FLG: variants seen among roughly 807,000 people sequenced by gnomAD.
FLG encodes the protein epidermal filaggrin.
In FLG, 6 loss-of-function variants were observed where a neutral mutation model predicts 3.8. The ratio of observed to expected loss-of-function variants is 1.60; its 90% CI spans 0.87 to 3.15. The LOEUF is 3.15. Ranked by LOEUF, FLG falls within the 30% of genes most tolerant of loss-of-function variation. The probability of loss-of-function intolerance (pLI) is 0.00; values close to 1 mark genes in which losing one functional copy is unlikely to be tolerated. For synonymous variants in FLG, 2,551 were observed against 1,931.6 expected (o/e 1.32, Z -8.41); for missense variants, 7,595 against 5,050.9 (o/e 1.50, Z -15.27).
rs766890885 is a variant in FLG at position 152,312,616 on chromosome 1, G to T, written c.2270C>A (p.Ser757Ter). 6.2e-7 allele frequency: 1 copy of T among 1,613,790 alleles called. No individual in the cohort carries two copies. The highest frequency in any genetic ancestry group is 8.5e-7 in the Non-Finnish European group (1 of 1,179,972). The change falls in exon 3 of 3, where the codon TCA becomes TAA. Residue 757 changes from serine to a stop codon, truncating the protein, a stop_gained. Coordinates refer to ENST00000368799, the MANE Select transcript of FLG (RefSeq NM_002016.2). LOFTEE classifies it low-confidence loss of function (END_TRUNC). ...ATDSEGHSED[S>*]DTQSVSGHGQ... is the part of the protein sequence containing the mutation. ...ATGGCCTGACACTGACTGTGTGTCT[G>T]AGTCTTCTGAATGTCCCTCACTGTC...
rs754940881 is a variant in FLG at position 152,308,880 on chromosome 1, T to C, written c.6006A>G (p.Gly2002=). Residue 2002 remains glycine, a synonymous_variant, in exon 3 of 3, where the codon GGA becomes GGG. Coordinates refer to ENST00000368799, the MANE Select transcript of FLG (RefSeq NM_002016.2). ...GCTGGTGGTGGGATCCATGTCTTTC[T>C]CCTGCACTTGATCTTGCCTGTTCAT... is the stretch of plus-strand genomic sequence containing the variant. ...SSHEQARSSA[G]ERHGSHHQLQ... The C allele has an allele frequency of 8.1e-6, 13 of 1,614,060 alleles. No homozygotes were observed. In the East Asian group the frequency reaches 2.2e-4, roughly 28 times the overall value.
At chr1:152,317,914 A>C (rs1344264408) in intron 1 of FLG, among the ~76,000 whole-genome samples, 1 of 151,976 alleles carries the variant, frequency 6.6e-6, no homozygotes, top group Non-Finnish European at 1.5e-5. Context: ...CAAGTCGTAA[A>C]CCTGAAAATT....
Position 152,303,984 on chromosome 1 carries a change from T to A in FLG, c.10902A>T (p.Ala3634=), listed in dbSNP as rs199584482. 1.2e-6 allele frequency: 2 copies of A among 1,614,022 alleles called. No individual in the cohort carries two copies. Among genetic ancestry groups the A allele is most frequent in the Non-Finnish European group, 1.7e-6 (2 of 1,180,022 alleles). The change falls in exon 3 of 3, where the codon GCA becomes GCT. Residue 3634 remains alanine, a synonymous_variant. Transcript: ENST00000368799. ...ERHGSHHQQS[A]DSSRHSGIGH... ...CAATGCCTGAGTGTCTGGAGCTGTCTGCTGACTGCTGGTGGTGGGATCCAT... is the reference window on the plus strand; with the variant it reads ...CAATGCCTGAGTGTCTGGAGCTGTCAGCTGACTGCTGGTGGTGGGATCCAT...
rs764506982 is a variant in FLG at position 152,314,241 on chromosome 1, A to G, written c.645T>C (p.Tyr215=). 6.2e-7 allele frequency: 1 copy of G among 1,613,434 alleles called. No homozygotes were observed. Among genetic ancestry groups the G allele is most frequent in the Non-Finnish European group, 8.5e-7 (1 of 1,179,762 alleles). Residue 215 remains tyrosine (Y), a synonymous_variant, in exon 3 of 3, where the codon TAT becomes TAC. Coordinates refer to ENST00000368799, the MANE Select transcript of FLG (RefSeq NM_002016.2). ...EEKEDNEEGV[Y]DYENTGRMTQ... is the part of the protein sequence containing the mutation. ...TCATTCTTCCTGTATTTTCATAATC[A>G]TATACTCCTTCTTCATTGTCTTCTT...
chr1:152,310,225 G>T lies in FLG; in HGVS notation c.4661C>A (p.Ser1554Tyr). Residue 1554 changes from serine (S) to tyrosine (Y), a missense_variant, in exon 3 of 3, where the codon TCC becomes TAC. By Grantham distance (144) the Ser-to-Tyr change is moderately radical. Coordinates refer to ENST00000368799, the MANE Select transcript of FLG (RefSeq NM_002016.2). ...TRNEEQSGDG[S>Y]RHSGSRHHEP... ...ATGGTGACGTGACCCTGAGTGCCTGGAGCCGTCTCCTGATTGTTCCTCATT... is the reference window on the plus strand; with the variant it reads ...ATGGTGACGTGACCCTGAGTGCCTGTAGCCGTCTCCTGATTGTTCCTCATT... The T allele has an allele frequency of 1.9e-6, 3 of 1,613,818 alleles. No individual in the cohort carries two copies. Among genetic ancestry groups the T allele is most frequent in the Non-Finnish European group, 2.5e-6 (3 of 1,179,984 alleles).
chr1:152,308,115 C>A lies in FLG; in HGVS notation c.6771G>T (p.Glu2257Asp). 1 of 1,613,602 alleles carries A rather than the reference C, an allele frequency of 6.2e-7. No individual in the cohort carries two copies. The highest frequency in any genetic ancestry group is 8.5e-7 in the Non-Finnish European group (1 of 1,179,908). ...TTCTGGACGCAGACCCAGACCGCCT[C>A]TCAGAATCTTCTGAGTGTCCCTCAC... ...SDSEGHSEDS[E>D]RRSGSASRNH... is the part of the protein sequence containing the mutation. The change falls in exon 3 of 3, where the codon GAG becomes GAT. Residue 2257 changes from glutamate to aspartate, a missense_variant. By Grantham distance (45) the Glu-to-Asp change is conservative. Coordinates refer to ENST00000368799, the MANE Select transcript of FLG (RefSeq NM_002016.2).
Position 152,308,777 on chromosome 1 carries a change from G to A in FLG, c.6109C>T (p.Arg2037Ter), listed in dbSNP as rs200002200. 1.9e-4 allele frequency: 304 copies of A among 1,614,090 alleles called. 5 individuals are homozygous for A. Among genetic ancestry groups the A allele is most frequent in the South Asian group, 1.2e-3 (106 of 91,072 alleles). The change falls in exon 3 of 3, where the codon CGA becomes TGA. Residue 2037 changes from arginine to a stop codon, truncating the protein, a stop_gained. Coordinates refer to ENST00000368799, the MANE Select transcript of FLG (RefSeq NM_002016.2). LOFTEE classifies it low-confidence loss of function (END_TRUNC). ...CTGGCCTGACTACCACTGTACCCTC[G>A]GTGTCCACTGTCTCTGACTGCAGAT... ...ASSAVRDSGH[R>*]GYSGSQASDS...
rs200938831 is a variant in FLG at position 152,307,557 on chromosome 1, G to T, written c.7329C>A (p.His2443Gln). Reference sequence around the variant, plus strand: ...GCCTGGAGCTGTCTCGTGCCTGCTTGTGGTGGGATCCTTGTCTTCCTCCAG... The same window carrying T: ...GCCTGGAGCTGTCTCGTGCCTGCTTTTGGTGGGATCCTTGTCTTCCTCCAG... ...TSTGGRQGSH[H>Q]KQARDSSRHS... The change falls in exon 3 of 3, where the codon CAC becomes CAA. Residue 2443 changes from histidine to glutamine, a missense_variant. Transcript: ENST00000368799. 1.9e-6 allele frequency: 3 copies of T among 1,613,702 alleles called. No homozygotes were observed. Among genetic ancestry groups the T allele is most frequent in the East Asian group, 2.2e-5 (1 of 44,792 alleles).
In FLG at chr1:152,307,420, C is replaced by A. The variant is rs138270516; in HGVS notation, c.7466G>T (p.Gly2489Val). 3.3e-4 allele frequency: 534 copies of A among 1,613,202 alleles called. No individual in the cohort carries two copies. The highest frequency in any genetic ancestry group is 1.4e-3 in the Admixed American group (81 of 59,886). The change falls in exon 3 of 3, where the codon GGG (glycine) becomes GTG (valine). Residue 2489 changes from glycine (G) to valine (V), a missense_variant. By Grantham distance (109) the Gly-to-Val change is moderately radical. Coordinates refer to ENST00000368799, the MANE Select transcript of FLG (RefSeq NM_002016.2). ...EQLVDRSGHSGSHHSHTTSQG... is the reference protein window; with the variant it reads ...EQLVDRSGHSVSHHSHTTSQG... ...GGATGTGGTGTGGCTGTGATGAGAC[C>A]CTGAGTGTCCAGATCTATCTACCAA...
Position 152,307,455 on chromosome 1 carries a change from G to C in FLG, c.7431C>G (p.His2477Gln). 6.2e-7 allele frequency: 1 copy of C among 1,613,276 alleles called. No individual in the cohort carries two copies. The highest frequency in any genetic ancestry group is 1.1e-5 in the South Asian group (1 of 91,004). The change falls in exon 3 of 3, where the codon CAC becomes CAG. Residue 2477 changes from histidine (H) to glutamine (Q), a missense_variant. Physicochemically the swap from His to Gln is conservative, Grantham distance 24. Transcript: ENST00000368799. ...CAGATCTATCTACCAATTGCTCGTAGTGGGATCCCTGCCTTCCTCCACTGC... is the reference window on the plus strand; with the variant it reads ...CAGATCTATCTACCAATTGCTCGTACTGGGATCCCTGCCTTCCTCCACTGC... ...GSSSGGRQGSHYEQLVDRSGH... is the reference protein window; with the variant it reads ...GSSSGGRQGSQYEQLVDRSGH...
intron 1 of FLG, among the ~76,000 whole-genome samples, chr1:152,316,903 ACTT>A (rs1360885927): frequency 5.3e-5 from 8 of 151,992 alleles, no homozygotes; most frequent in Non-Finnish European, 1.2e-4. Context: ...AGCTTCAACA[ACTT>A]CTTCTTTCCT....
At chr1:152,314,903 C>G in intron 2 of FLG, 156 bp from the exon 3 acceptor site, 2 of 819,462 alleles carry the variant, frequency 2.4e-6, no homozygotes, top group South Asian at 3.6e-5. Context: ...CATCCTCATT[C>G]AGGTGTTATA....
At position 152,310,305 on chromosome 1, in the gene FLG, C is replaced by T. The variant is rs147249511; in HGVS notation, c.4581G>A (p.Arg1527=). 13 of 1,613,870 alleles carry T rather than the reference C, an allele frequency of 8.1e-6. No individual in the cohort carries two copies. The highest frequency in any genetic ancestry group is 1.3e-5 in the African/African-American group (1 of 74,924). ...CTGACTGCCCATGGGAGGCATCAGA[C>T]CTTCCCTGGGGTGTGGTGTGGCTGT... The part of the protein sequence containing the change: ...YHHSHTTPQG[R]SDASHGQSGP... Residue 1527 remains arginine (R), a synonymous_variant, in exon 3 of 3, where the codon AGG becomes AGA. Transcript: ENST00000368799.
rs774647340 is a variant in FLG, at chr1:152,312,809, C to T, written c.2077G>A (p.Ala693Thr). ...CTTGCCTGTTCATGGGATGACGCAG[C>T]CTGTCCACTAGAGGAATTCTGTGTG... ...RHTQNSSSGQ[A>T]ASSHEQARSS... is the part of the protein sequence containing the mutation. The change falls in exon 3 of 3, where the codon GCT (alanine) becomes ACT (threonine). Residue 693 changes from alanine (A) to threonine (T), a missense_variant. Ala to Thr is a moderately conservative substitution (Grantham distance 58). Coordinates refer to ENST00000368799, the MANE Select transcript of FLG (RefSeq NM_002016.2). The T allele has an allele frequency of 1.2e-6, 2 of 1,614,030 alleles. No individual in the cohort carries two copies. Among genetic ancestry groups the T allele is most frequent in the South Asian group, 2.2e-5 (2 of 91,080 alleles).
chr1:152,312,081 C>T lies in FLG; in HGVS notation c.2805G>A (p.Gly935=). 3 of 1,614,100 alleles carry T rather than the reference C, an allele frequency of 1.9e-6. No individual in the cohort carries two copies. The highest frequency in any genetic ancestry group is 2.2e-5 in the East Asian group (1 of 44,850). Residue 935 remains glycine (G), a synonymous_variant, in exon 3 of 3, where the codon GGG becomes GGA. Transcript: ENST00000368799. The stretch of plus-strand genomic sequence containing the variant: ...ATCCCTGGCGCCTGCTTGTCCTGGA[C>T]CCCTCTGATTGTCCCTGGCCTGCCT... ...HSQAGQGQSE[G]SRTSRRQGSS...
Position 152,303,634 on chromosome 1 carries a change from G to A in FLG, c.11252C>T (p.Ser3751Phe). 3 of 1,614,030 alleles carry A rather than the reference G, an allele frequency of 1.9e-6. No individual in the cohort carries two copies. The highest frequency in any genetic ancestry group is 2.5e-6 in the Non-Finnish European group (3 of 1,179,960). ...QARDSSRHSA[S>F]QEGQDTIRGH... The stretch of plus-strand genomic sequence containing the variant: ...ACGAATGGTGTCCTGACCCTCTTGG[G>A]ACGCTGAGTGCCTGGAGCTGTCTCG... The change falls in exon 3 of 3, where the codon TCC becomes TTC. Residue 3751 changes from serine (S) to phenylalanine (F), a missense_variant. Coordinates refer to ENST00000368799, the MANE Select transcript of FLG (RefSeq NM_002016.2).
rs1652580113 is a variant in FLG, at chr1:152,313,097, T to C, written c.1789A>G (p.Ser597Gly). 9.3e-6 allele frequency: 15 copies of C among 1,613,804 alleles called. No homozygotes were observed. Among genetic ancestry groups the C allele is most frequent in the Non-Finnish European group, 1.2e-5 (14 of 1,180,010 alleles). ...TGGCCCACCTGTGAGTGTCTAGAGC[T>C]GTCAGCCTGAGAGGAAGCTTCATGA... ...RHHEASSQAD[S>G]SRHSQVGQGQ... Residue 597 changes from serine to glycine, a missense_variant, in exon 3 of 3, where the codon AGC (serine) becomes GGC (glycine). Physicochemically the swap from Ser to Gly is moderately conservative, Grantham distance 56. Transcript: ENST00000368799.
chr1:152,311,137 G>T lies in FLG; in HGVS notation c.3749C>A (p.Ser1250Ter). ...AASWADSSRH[S>*]QVGQEQSSGS... ...CGATGATTGTTCCTGTCCCACCTGT[G>T]AGTGTCTAGAGCTGTCAGCCCAAGA... Residue 1250 changes from serine to a stop codon, truncating the protein, a stop_gained, in exon 3 of 3, where the codon TCA (serine) becomes TAA (stop). Coordinates refer to ENST00000368799, the MANE Select transcript of FLG (RefSeq NM_002016.2). LOFTEE classifies it low-confidence loss of function (END_TRUNC). The T allele has an allele frequency of 6.2e-7, 1 of 1,613,874 alleles. No individual in the cohort carries two copies. Among genetic ancestry groups the T allele is most frequent in the Non-Finnish European group, 8.5e-7 (1 of 1,179,990 alleles).
Position 152,303,777 on chromosome 1 carries a change from C to T in FLG, c.11109G>A (p.Arg3703=). 6.2e-7 allele frequency: 1 copy of T among 1,613,736 alleles called. No homozygotes were observed. ...QESTRGRSAG[R]SGRSGSFLYQ... is the part of the protein sequence containing the mutation. ...AGAGGAAAGACCCTGAACGTCCAGA[C>T]CTTCCTGCTGACCGGCCACGTGTGG... Residue 3703 remains arginine, a synonymous_variant, in exon 3 of 3, where the codon AGG becomes AGA. Coordinates refer to ENST00000368799, the MANE Select transcript of FLG (RefSeq NM_002016.2).
Sources: allele counts gnomAD v4.1 joint callset (sites outside exome capture counted in the v4.1 genomes callset), GRCh38; gene constraint gnomAD v4.1.1; transcripts MANE v1.5; gene names NCBI Gene and HGNC (gene_info 2026-07-23, HGNC 2026-07-21).